The following EML6 variants were observed in gnomAD, a reference collection of about 807,000 sequenced individuals.
EML6 encodes the protein EMAP like 6, also known as echinoderm microtubule-associated protein-like 6.
A neutral mutation model predicts 240.1 loss-of-function variants in EML6; 154 were observed. The ratio of observed to expected loss-of-function variants is 0.64; its 90% CI spans 0.56 to 0.73. The LOEUF (loss-of-function observed/expected upper bound fraction) is 0.73, where lower values mean the gene tolerates loss of function less well. Ranked by LOEUF, EML6 falls within the 30% of genes least tolerant of loss-of-function variation. The pLI is 0.00. For synonymous variants in EML6, 1,148 were observed against 899.0 expected (o/e 1.28, Z -4.95); for missense variants, 2,964 against 2,474.6 (o/e 1.20, Z -4.20).
At chr2:54,862,338 T>TTAAAA (rs1491264747) in intron 12 of EML6, among the ~76,000 whole-genome samples, 4 of 37,698 alleles carry the variant, frequency 1.1e-4, no homozygotes, top group Non-Finnish European at 1.4e-4. Flanking sequence ...ACTCCATCTC[T>TTAAAA]AAAAAAAAAA....
At chr2:54,941,341 G>A (rs935256940) in intron 28 of EML6, among the ~76,000 whole-genome samples, 1 of 152,076 alleles carries the variant, frequency 6.6e-6, no homozygotes, top group African/African-American at 2.4e-5. Flanking sequence ...TATTTAATCA[G>A]GAGATCTGTG....
chr2:54,775,583 T>C (rs1668566722), intron 2 of EML6, among the ~76,000 whole-genome samples: 1 of 152,230 alleles, frequency 6.6e-6, no homozygotes, highest in South Asian at 2.1e-4. Flanking sequence ...TAGCACTTAT[T>C]ACAACCTAAA....
chr2:54,952,725 A>G (rs1247935014), intron 31 of EML6, 33 bp downstream of exon 31: 7 of 1,419,698 alleles, frequency 4.9e-6, no homozygotes, highest in East Asian at 2.5e-5. Context: ...AGGCTCTCCC[A>G]GCTTGCAGGG....
At chr2:54,824,992 C>A (rs1260027169) in intron 5 of EML6, among the ~76,000 whole-genome samples, 1 of 152,174 alleles carries the variant, frequency 6.6e-6, no homozygotes, top group East Asian at 1.9e-4. Context: ...AAATAACATA[C>A]ATTTTAGGGA....
intron 31 of EML6, among the ~76,000 whole-genome samples, 172 bp from the exon 32 acceptor site, chr2:54,953,811 C>T (rs1676099813): frequency 6.6e-6 from 1 of 151,210 alleles, no homozygotes; most frequent in Admixed American, 6.6e-5. Flanking sequence ...CGTGTGAACC[C>T]AGGACGTGGA....
At chr2:54,935,348 C>T (rs1675082361) in intron 28 of EML6, among the ~76,000 whole-genome samples, 1 of 152,124 alleles carries the variant, frequency 6.6e-6, no homozygotes, top group Admixed American at 6.5e-5. Context: ...TTTAATTGTT[C>T]TTTCTAATGG....
chr2:54,911,333 C>T (rs948356959), intron 25 of EML6, among the ~76,000 whole-genome samples: 2 of 152,066 alleles, frequency 1.3e-5, no homozygotes, highest in Non-Finnish European at 2.9e-5. Context: ...TTCCATTTGA[C>T]ATGTCATTTT....
At chr2:54,780,855 AAT>A (rs1397014856) in intron 2 of EML6, among the ~76,000 whole-genome samples, 1 of 152,224 alleles carries the variant, frequency 6.6e-6, no homozygotes, top group Non-Finnish European at 1.5e-5. Flanking sequence ...GCATGAGTAT[AAT>A]AGATGGTTCA....
intron 24 of EML6, among the ~76,000 whole-genome samples, chr2:54,905,682 A>G (rs1423907987): frequency 2.6e-5 from 4 of 152,174 alleles, no homozygotes; most frequent in Non-Finnish European, 5.9e-5. Context: ...TTCCCATTAA[A>G]TGATAACTTT....
In EML6 at chr2:54,847,755, A is replaced by AT. The variant is rs781493172; in HGVS notation, c.1187+132_1187+133insT. ...ATTCAAATAGGAATACTATAGATCT[A>AT]CGATCCCCTATCTGTAATTCTGAAG... On this transcript the variant is annotated intron_variant, in intron 9 of 41. Transcript: ENST00000356458. The AT allele has an allele frequency of 2.8e-5, 22 of 791,088 alleles. 1 individual carries two copies. The highest frequency in any genetic ancestry group is 1.5e-4 in the East Asian group (3 of 19,702). 49.0% of individuals were successfully genotyped at this position (791,088 alleles called of 1,614,324 possible).
At chr2:54,915,603 C>A (rs1429077771) in intron 25 of EML6, among the ~76,000 whole-genome samples, 1 of 152,110 alleles carries the variant, frequency 6.6e-6, no homozygotes, top group Non-Finnish European at 1.5e-5. Flanking sequence ...CCTCTGTGTG[C>A]CTCCAAAAGA....
chr2:54,757,723 G>T (rs1667801317), intron 2 of EML6, among the ~76,000 whole-genome samples: 1 of 152,072 alleles, frequency 6.6e-6, no homozygotes, highest in Middle Eastern at 3.4e-3. Flanking sequence ...CAGCCTTCAG[G>T]ATATGTATCT....
chr2:54,878,080 CCATGCA>C (rs1671603161), intron 16 of EML6, among the ~76,000 whole-genome samples: 4 of 152,126 alleles, frequency 2.6e-5, no homozygotes, highest in Non-Finnish European at 5.9e-5. Context: ...TAAGTGTATT[CCATGCA>C]AAATAAGGAT....
rs770755313 is a variant in EML6, at chr2:54,853,737, C to T, written c.1539C>T (p.Pro513=). 2 of 1,551,514 alleles carry T rather than the reference C, an allele frequency of 1.3e-6. No individual in the cohort carries two copies. Among genetic ancestry groups the T allele is most frequent in the Admixed American group, 2.0e-5 (1 of 50,994 alleles). ...GCCCTGAAGTGAGTGGAATTTGGCCCAAATACACTGAGGTTACTGACATCA... is the reference window on the plus strand; with the variant it reads ...GCCCTGAAGTGAGTGGAATTTGGCCTAAATACACTGAGGTTACTGACATCA... ...VKGPEVSGIW[P]KYTEVTDINS... is the part of the protein sequence containing the mutation. The change falls in exon 11 of 42, where the codon CCC becomes CCT. Residue 513 remains proline (P), a synonymous_variant. Coordinates refer to ENST00000356458, the MANE Select transcript of EML6 (RefSeq NM_001039753.4).
intron 16 of EML6, among the ~76,000 whole-genome samples, chr2:54,874,214 T>C (rs1671393948): frequency 6.6e-6 from 1 of 152,202 alleles, no homozygotes; most frequent in Non-Finnish European, 1.5e-5. Flanking sequence ...GCCTCTTCAT[T>C]TCAGATAGCT....
At chr2:54,840,661 A>G (rs1669395990) in intron 7 of EML6, among the ~76,000 whole-genome samples, 2 of 152,220 alleles carry the variant, frequency 1.3e-5, no homozygotes, top group African/African-American at 4.8e-5. Flanking sequence ...GGCATCTCCA[A>G]GGACTCAAAT....
At chr2:54,782,787 T>A (rs1028793103) in intron 2 of EML6, among the ~76,000 whole-genome samples, 1 of 152,126 alleles carries the variant, frequency 6.6e-6, no homozygotes, top group Non-Finnish European at 1.5e-5. Context: ...CTCTTACTCA[T>A]TGATTAAAGG....
At chr2:54,877,625 C>G (rs949690215) in intron 16 of EML6, among the ~76,000 whole-genome samples, 4 of 152,262 alleles carry the variant, frequency 2.6e-5, no homozygotes, top group Admixed American at 2.0e-4. Flanking sequence ...CTCCTAAATG[C>G]TAAAGAGGGA....
In EML6 at chr2:54,953,826, G is replaced by A. The variant is rs574762861; in HGVS notation, c.4313-157G>A. Among the ~76,000 whole-genome samples, 9 of 151,432 alleles carry A rather than the reference G, an allele frequency of 5.9e-5. No homozygotes were observed. The South Asian group carries it at 1.9e-3, about 32-fold the overall frequency. ...CGTGTGAACCCAGGACGTGGAGGTT[G>A]CGGTGAGCTGAGCTGGTGCCACTGC... On this transcript the variant is annotated intron_variant, in intron 31 of 41. Transcript: ENST00000356458.
Sources: gnomAD v4.1 joint callset for allele counts (sites outside exome capture counted in the v4.1 genomes callset) on GRCh38, gnomAD v4.1.1 for gene constraint, MANE v1.5 for transcripts, NCBI Gene and HGNC (gene_info 2026-07-23, HGNC 2026-07-21) for gene names.